The following DLGAP1 variants were observed in gnomAD, a reference collection of about 807,000 sequenced individuals.
DLGAP1 encodes the protein DLG associated protein 1.
In DLGAP1, 11 loss-of-function variants were observed where a neutral mutation model predicts 90.8. That is an observed-to-expected ratio of 0.12 (90% CI 0.08 to 0.20). The LOEUF is 0.20. Among genes scored for constraint, DLGAP1 ranks in the 10% least tolerant of loss-of-function variants. The pLI, the probability that DLGAP1 is intolerant of heterozygous loss-of-function variation, is 1.00. For missense variants in DLGAP1, 1,050 were observed against 1,333.8 expected (o/e 0.79, Z 3.31); for synonymous variants, 558 against 540.7 (o/e 1.03, Z -0.44).
chr18:3,663,318 T>G (rs1006715190), intron 7 of DLGAP1, among the ~76,000 whole-genome samples: 1 of 152,044 alleles, frequency 6.6e-6, no homozygotes, highest in Non-Finnish European at 1.5e-5. Flanking sequence ...AGATAAGGTT[T>G]TTGAAGTCTT....
intron 5 of DLGAP1, 52 bp downstream of exon 5, chr18:3,814,007 G>A: frequency 6.3e-7 from 1 of 1,576,982 alleles, no homozygotes; most frequent in South Asian, 1.1e-5. Flanking sequence ...CTGAGCCTCG[G>A]TGATAATACA....
intron 1 of DLGAP1, among the ~76,000 whole-genome samples, chr18:4,427,713 G>T (rs550919696): frequency 2.6e-5 from 4 of 152,304 alleles, no homozygotes; most frequent in African/African-American, 9.6e-5. Flanking sequence ...ATTATTTTGA[G>T]ATACTCTGGG....
intron 3 of DLGAP1, among the ~76,000 whole-genome samples, chr18:3,964,061 C>A (rs1163342747): frequency 6.6e-6 from 1 of 152,092 alleles, no homozygotes; most frequent in Non-Finnish European, 1.5e-5. Flanking sequence ...TTCTACACTG[C>A]AGGAGGCGTC....
Position 3,499,091 on chromosome 18 carries a change from C to G in DLGAP1, c.*94G>C. 1 of 1,156,722 alleles carries G rather than the reference C, an allele frequency of 8.6e-7. No individual in the cohort carries two copies. Among genetic ancestry groups the G allele is most frequent in the Non-Finnish European group, 1.2e-6 (1 of 867,074 alleles). 71.7% of individuals were successfully genotyped at this position (1,156,722 alleles called of 1,614,324 possible). The stretch of plus-strand genomic sequence containing the variant: ...CAGTGGAAGTCACCGAGCTCGGGAG[C>G]GGACGGGCTCGGAGGGGGAGAGGCA... On this transcript the variant is annotated 3_prime_UTR_variant, in exon 13 of 13. Coordinates refer to ENST00000315677, the MANE Select transcript of DLGAP1 (RefSeq NM_004746.4). This position sits in a 1 kb window ranked among gnomAD's most constrained non-coding sequence, Gnocchi z 6.4.
At chr18:3,500,748 T>G (rs1439986812) in intron 12 of DLGAP1, among the ~76,000 whole-genome samples, 2 of 152,252 alleles carry the variant, frequency 1.3e-5, no homozygotes, top group Admixed American at 1.3e-4. Context: ...TGATTTACTA[T>G]GTAAATATCA....
chr18:4,226,516 A>G (rs544440219), intron 1 of DLGAP1, among the ~76,000 whole-genome samples: 1 of 152,154 alleles, frequency 6.6e-6, no homozygotes, highest in African/African-American at 2.4e-5. Flanking sequence ...ATAATAAGAT[A>G]TAAATAGAAA....
intron 1 of DLGAP1, among the ~76,000 whole-genome samples, chr18:4,276,405 G>A (rs2079415518): frequency 6.6e-6 from 1 of 151,998 alleles, no homozygotes; most frequent in Non-Finnish European, 1.5e-5. Flanking sequence ...GGAGGCTGAG[G>A]CAGGCGGATC....
At chr18:3,643,460 G>A (rs893808743) in intron 7 of DLGAP1, among the ~76,000 whole-genome samples, 2 of 151,914 alleles carry the variant, frequency 1.3e-5, no homozygotes, top group East Asian at 3.9e-4. Context: ...TCAGGAGATC[G>A]AGACCATCCT....
chr18:3,572,203 C>T (rs1359096176), intron 8 of DLGAP1, among the ~76,000 whole-genome samples: 2 of 151,740 alleles, frequency 1.3e-5, no homozygotes, highest in South Asian at 2.1e-4. Flanking sequence ...CTCAGCCTCC[C>T]GGTTTCCGCT....
chr18:3,924,427 TTC>T (rs1293110223), intron 3 of DLGAP1, among the ~76,000 whole-genome samples: 1 of 152,200 alleles, frequency 6.6e-6, no homozygotes, highest in Non-Finnish European at 1.5e-5. Context: ...TCCCTAGATT[TTC>T]TGTTTATGTT....
intron 1 of DLGAP1, among the ~76,000 whole-genome samples, chr18:4,401,081 G>A (rs1053578612): frequency 1.3e-5 from 2 of 152,142 alleles, no homozygotes; most frequent in East Asian, 1.9e-4. Flanking sequence ...AAGTCATGCA[G>A]GAAACAGGAA....
chr18:3,788,292 TA>T (rs1305157339), intron 5 of DLGAP1, among the ~76,000 whole-genome samples: 5 of 152,190 alleles, frequency 3.3e-5, no homozygotes, highest in African/African-American at 1.2e-4. Flanking sequence ...GGCAGAAAGA[TA>T]GGGAGGAAAC....
At chr18:3,628,535 A>G (rs1419002049) in intron 7 of DLGAP1, among the ~76,000 whole-genome samples, 1 of 152,158 alleles carries the variant, frequency 6.6e-6, no homozygotes, top group Non-Finnish European at 1.5e-5. Flanking sequence ...ACCACCACGT[A>G]GGCCAAGCTA....
intron 2 of DLGAP1, among the ~76,000 whole-genome samples, chr18:4,102,323 T>C (rs2075793154): frequency 6.6e-6 from 1 of 152,200 alleles, no homozygotes. Flanking sequence ...GTAAATGGAA[T>C]TCATACTCAG....
At chr18:4,368,323 AT>A (rs2081825852) in intron 1 of DLGAP1, among the ~76,000 whole-genome samples, 1 of 152,170 alleles carries the variant, frequency 6.6e-6, no homozygotes, top group South Asian at 2.1e-4. Context: ...GTAAGCAGAT[AT>A]TTTATTTAAA....
intron 7 of DLGAP1, among the ~76,000 whole-genome samples, chr18:3,623,559 G>T (rs1036601984): frequency 6.6e-6 from 1 of 151,920 alleles, no homozygotes; most frequent in Non-Finnish European, 1.5e-5. Context: ...AGGCTGAGGC[G>T]GGCGGATCAC....
intron 2 of DLGAP1, among the ~76,000 whole-genome samples, chr18:4,079,691 AATATAT>A (rs10597845): frequency 2.0e-4 from 29 of 146,534 alleles, no homozygotes; most frequent in Admixed American, 1.2e-3. Flanking sequence ...ATTGAAATTA[AATATAT>A]ATATATATAT....
chr18:3,974,863 T>C (rs950194882), intron 3 of DLGAP1, among the ~76,000 whole-genome samples: 5 of 151,930 alleles, frequency 3.3e-5, no homozygotes, highest in Non-Finnish European at 7.4e-5. Flanking sequence ...AATCCTGTCA[T>C]ATAGTACAAC....
At chr18:4,377,031 G>A (rs964890479) in intron 1 of DLGAP1, among the ~76,000 whole-genome samples, 1 of 152,074 alleles carries the variant, frequency 6.6e-6, no homozygotes, top group Non-Finnish European at 1.5e-5. Flanking sequence ...AGAAAGAATT[G>A]TTCACTTCCC....
Sources: gnomAD v4.1 joint callset for allele counts (sites outside exome capture counted in the v4.1 genomes callset) on GRCh38, gnomAD v4.1.1 for gene constraint, Gnocchi (gnomAD v3.1) non-coding constraint, MANE v1.5 for transcripts, NCBI Gene and HGNC (gene_info 2026-07-23, HGNC 2026-07-21) for gene names.